Variants in SLC12A8 observed in about 807,000 individuals in gnomAD.
SLC12A8 encodes the protein solute carrier family 12 member 8.
In SLC12A8, 69 loss-of-function variants were observed where a neutral mutation model predicts 75.6. That is an observed-to-expected ratio of 0.91 (90% CI 0.75 to 1.11). The LOEUF is 1.11. Ranked by LOEUF, SLC12A8 falls within the 50% of genes most tolerant of loss-of-function variation. The pLI, the probability that SLC12A8 is intolerant of heterozygous loss-of-function variation, is 0.00. For missense variants in SLC12A8, 877 were observed against 896.7 expected (o/e 0.98, Z 0.28); for synonymous variants, 365 against 372.8 (o/e 0.98, Z 0.24).
chr3:125,112,020 C>T (rs569339230), intron 8 of SLC12A8, among the ~76,000 whole-genome samples: 8 of 152,154 alleles, frequency 5.3e-5, no homozygotes, highest in African/African-American at 7.2e-5. Flanking sequence ...AATGGGAGCA[C>T]GCAATGGCCT....
chr3:125,190,409 C>T lies in SLC12A8; in HGVS notation c.164G>A (p.Gly55Glu), dbSNP rs1934887515. Residue 55 changes from glycine to glutamate, a missense_variant, in exon 3 of 14, where the codon GGG (glycine) becomes GAG (glutamate). Transcript: ENST00000469902. ...VFTSCMINIFGVVLFLRTGWL... is the reference protein window; with the variant it reads ...VFTSCMINIFEVVLFLRTGWL... ...GCCAGTCCTCAGGAAGAGCACAACCCCAAAGATGTTGATCATGCAGGATGT... is the reference window on the plus strand; with the variant it reads ...GCCAGTCCTCAGGAAGAGCACAACCTCAAAGATGTTGATCATGCAGGATGT... 6.2e-7 allele frequency: 1 copy of T among 1,614,098 alleles called. No individual in the cohort carries two copies. Among genetic ancestry groups the T allele is most frequent in the Non-Finnish European group, 8.5e-7 (1 of 1,180,046 alleles).
At chr3:125,137,713 G>T (rs144512163) in intron 5 of SLC12A8, among the ~76,000 whole-genome samples, 50 of 152,368 alleles carry the variant, frequency 3.3e-4, no homozygotes, top group African/African-American at 1.2e-3. Flanking sequence ...GCCCTGGCCA[G>T]CCTGAAGGTT....
At chr3:125,161,680 CAAA>C (rs36098782) in intron 5 of SLC12A8, among the ~76,000 whole-genome samples, 3 of 143,264 alleles carry the variant, frequency 2.1e-5, no homozygotes, top group Admixed American at 7.0e-5. Flanking sequence ...GTACTTTTCT[CAAA>C]AAAAAAAAAA....
intron 5 of SLC12A8, among the ~76,000 whole-genome samples, chr3:125,145,826 C>T (rs1458027737): frequency 6.6e-6 from 1 of 151,948 alleles, no homozygotes; most frequent in African/African-American, 2.4e-5. Flanking sequence ...CTTTTTTATT[C>T]TTTTCTTTCT....
intron 4 of SLC12A8, among the ~76,000 whole-genome samples, chr3:125,182,422 A>G (rs976479382): frequency 1.3e-5 from 2 of 152,182 alleles, no homozygotes; most frequent in Non-Finnish European, 2.9e-5. Context: ...TTTAAAAAGC[A>G]TTGGTTTAAA....
intron 5 of SLC12A8, among the ~76,000 whole-genome samples, chr3:125,136,028 G>A (rs1034517651): frequency 6.6e-6 from 1 of 152,170 alleles, no homozygotes; most frequent in Non-Finnish European, 1.5e-5. Context: ...GGTTACTTCT[G>A]GGAAGGGGAG....
Position 125,107,529 on chromosome 3 carries a change from C to T in SLC12A8, c.1657G>A (p.Glu553Lys), listed in dbSNP as rs1170360090. Reference sequence around the variant, plus strand: ...TTGCACAGCTCAGGAACAAGTTGCTCTCCATATGTTCCCTCAGGCTGAGTC... The same window carrying T: ...TTGCACAGCTCAGGAACAAGTTGCTTTCCATATGTTCCCTCAGGCTGAGTC... ...EGTQPEGTYG[E>K]QLVPELCNQS... The change falls in exon 10 of 14, where the codon GAG (glutamate) becomes AAG (lysine). Residue 553 changes from glutamate (E) to lysine (K), a missense_variant. Physicochemically the swap from Glu to Lys is moderately conservative, Grantham distance 56 (BLOSUM62 1). Transcript: ENST00000469902. The T allele has an allele frequency of 6.2e-7, 1 of 1,614,028 alleles. No homozygotes were observed.
At chr3:125,134,688 G>A (rs1359732234) in intron 6 of SLC12A8, among the ~76,000 whole-genome samples, 3 of 152,246 alleles carry the variant, frequency 2.0e-5, no homozygotes, top group Non-Finnish European at 4.4e-5. Flanking sequence ...AGCAGTGCAT[G>A]AGGGTTCTGG....
chr3:125,200,113 T>C (rs966839985), intron 2 of SLC12A8, among the ~76,000 whole-genome samples: 1 of 152,190 alleles, frequency 6.6e-6, no homozygotes, highest in Non-Finnish European at 1.5e-5. Context: ...TCATGCTGTA[T>C]TGTGTGAATC....
intron 6 of SLC12A8, among the ~76,000 whole-genome samples, chr3:125,125,489 G>A (rs1016283240): frequency 6.6e-6 from 1 of 152,178 alleles, no homozygotes; most frequent in African/African-American, 2.4e-5. Context: ...AATCTGGGAG[G>A]CGTAGGTTGC....
chr3:125,109,770 G>A (rs556724873), intron 9 of SLC12A8, among the ~76,000 whole-genome samples: 1 of 152,194 alleles, frequency 6.6e-6, no homozygotes, highest in Non-Finnish European at 1.5e-5. Flanking sequence ...CCCAAGGGGC[G>A]GTTGAAACTC....
intron 2 of SLC12A8, among the ~76,000 whole-genome samples, chr3:125,210,265 A>G (rs1935309846): frequency 6.6e-6 from 1 of 152,208 alleles, no homozygotes; most frequent in African/African-American, 2.4e-5. Context: ...TCAGTGACAA[A>G]TTGTTGATAA....
At chr3:125,211,022 T>C (rs374683823) in intron 2 of SLC12A8, among the ~76,000 whole-genome samples, 1 of 23,552 alleles carries the variant, frequency 4.2e-5, no homozygotes, top group Non-Finnish European at 6.3e-5. Flanking sequence ...ACTGTGACTG[T>C]CTGTGGAAGA....
At chr3:125,133,233 G>A (rs1933402342) in intron 6 of SLC12A8, among the ~76,000 whole-genome samples, 1 of 152,094 alleles carries the variant, frequency 6.6e-6, no homozygotes, top group African/African-American at 2.4e-5. Flanking sequence ...CATTTTAACA[G>A]CTTTATTGAG....
chr3:125,191,127 C>T (rs1036191569), intron 2 of SLC12A8, among the ~76,000 whole-genome samples: 1 of 152,164 alleles, frequency 6.6e-6, no homozygotes, highest in South Asian at 2.1e-4. Flanking sequence ...TTTAAAATGA[C>T]TGAAGTTATT....
At chr3:125,212,209 G>C (rs1017865880) in intron 1 of SLC12A8, among the ~76,000 whole-genome samples, 3 of 152,070 alleles carry the variant, frequency 2.0e-5, no homozygotes, top group African/African-American at 7.2e-5. Context: ...AGCACTGAGT[G>C]GGGGGTTGGG....
intron 10 of SLC12A8, among the ~76,000 whole-genome samples, chr3:125,096,293 C>T (rs1219847372): frequency 1.3e-5 from 2 of 152,206 alleles, no homozygotes; most frequent in Non-Finnish European, 2.9e-5. Context: ...TCCTCCCCAC[C>T]CTGGTCTCTC....
rs549310436 is a variant in SLC12A8, at chr3:125,199,069, T to G, written c.52-8548A>C. ...CTGGGATTATAGGCGTGAGCCACCA[T>G]GCCCGGCTGACAATAGGATTTTTCT... On this transcript the variant is annotated intron_variant, in intron 2 of 13. Coordinates refer to ENST00000469902, the MANE Select transcript of SLC12A8 (RefSeq NM_024628.6). Among the ~76,000 whole-genome samples, 26 of 152,230 alleles carry G rather than the reference T, an allele frequency of 1.7e-4. No homozygotes were observed. In the Middle Eastern group the frequency reaches 0.01, roughly 60 times the overall value.
intron 7 of SLC12A8, among the ~76,000 whole-genome samples, 196 bp downstream of exon 7, chr3:125,120,403 G>A (rs963248452): frequency 1.3e-5 from 2 of 152,152 alleles, no homozygotes; most frequent in Non-Finnish European, 2.9e-5. Flanking sequence ...TTCCCAGGCA[G>A]GGCGCATGAA....
Sources: allele counts gnomAD v4.1 joint callset (sites outside exome capture counted in the v4.1 genomes callset), GRCh38; gene constraint gnomAD v4.1.1; transcripts MANE v1.5; gene names NCBI Gene and HGNC (gene_info 2026-07-23, HGNC 2026-07-21).